PEDS1: variants seen among roughly 807,000 people sequenced by gnomAD.
The protein encoded by PEDS1 is CarF homolog.
PEDS1 carries 14 observed loss-of-function variants against 35.2 expected under a neutral mutation model. The observed-to-expected ratio is 0.40, with a 90% CI of 0.26 to 0.62. The LOEUF (loss-of-function observed/expected upper bound fraction) is 0.62. PEDS1 is among the 20% of genes least tolerant of loss of function. PEDS1 has a pLI of 0.44. For missense variants in PEDS1, 260 were observed against 367.8 expected (o/e 0.71, Z 2.40); for synonymous variants, 152 against 152.0 (o/e 1.00, Z 0.00).
At chr20:50,126,300 T>C (rs1383200893) in intron 5 of PEDS1, among the ~76,000 whole-genome samples, 1 of 152,180 alleles carries the variant, frequency 6.6e-6, no homozygotes. Context: ...ATGAGCACAC[T>C]GAGGCTTAGA....
Position 50,143,527 on chromosome 20 carries a change from G to C in PEDS1, c.216C>G (p.Asp72Glu). 6.2e-7 allele frequency: 1 copy of C among 1,611,490 alleles called. No individual in the cohort carries two copies. Among genetic ancestry groups the C allele is most frequent in the Non-Finnish European group, 8.5e-7 (1 of 1,179,208 alleles). Reference protein sequence around the residue: ...VHLLLLARWEDTPLVILGVVA... With the variant: ...VHLLLLARWEETPLVILGVVA... ...CAACACCGAGTATGACGAGGGGTGT[G>C]TCCTCCCAGCGGGCCAGCAGCAGGA... The change falls in exon 2 of 6, where the codon GAC becomes GAG. Residue 72 changes from aspartate to glutamate, a missense_variant. Physicochemically the swap from Asp to Glu is conservative, Grantham distance 45. Coordinates refer to ENST00000371652, the MANE Select transcript of PEDS1 (RefSeq NM_199129.4).
intron 5 of PEDS1, among the ~76,000 whole-genome samples, chr20:50,125,953 G>A (rs2081098831): frequency 6.6e-6 from 1 of 151,820 alleles, no homozygotes; most frequent in Non-Finnish European, 1.5e-5. Context: ...TTGAACTCCT[G>A]GGCTCAAGCA....
chr20:50,131,056 C>A, intron 2 of PEDS1, 109 bp from the exon 3 acceptor site: 1 of 1,581,938 alleles, frequency 6.3e-7, no homozygotes, highest in Non-Finnish European at 8.6e-7. Context: ...GGGAAGGTGT[C>A]CCTTCTTCTC....
At chr20:50,138,504 T>C (rs1376973464) in intron 2 of PEDS1, among the ~76,000 whole-genome samples, 2 of 152,220 alleles carry the variant, frequency 1.3e-5, no homozygotes, top group African/African-American at 4.8e-5. Flanking sequence ...CCAACGCAGC[T>C]CCTGTGAGCT....
intron 2 of PEDS1, among the ~76,000 whole-genome samples, chr20:50,137,580 C>T (rs571288921): frequency 9.2e-5 from 14 of 152,240 alleles, no homozygotes; most frequent in African/African-American, 3.4e-4. Flanking sequence ...CTCCTCAAAA[C>T]CGTCAAGGTC....
Position 50,119,337 on chromosome 20 carries a change from G to A in PEDS1, c.*5721C>T, listed in dbSNP as rs1052616099. The A allele has an allele frequency of 1.3e-5, 2 of 151,600 alleles. No homozygotes were observed. Among genetic ancestry groups the A allele is most frequent in the Admixed American group, 1.3e-4 (2 of 15,184 alleles). The allele number at this position is 151,600 out of a possible 1,614,324, so 9.4% of individuals were successfully genotyped here. On this transcript the variant is annotated 3_prime_UTR_variant, in exon 6 of 6. Transcript: ENST00000371652. The stretch of plus-strand genomic sequence containing the variant: ...TAGTCCCAACTACTTGGGATGGGAG[G>A]CTGAGAGAGGATAGCTTGAGCCCAG...
chr20:50,153,095 G>A (rs760745833), intron 1 of PEDS1, among the ~76,000 whole-genome samples: 7 of 151,724 alleles, frequency 4.6e-5, no homozygotes, highest in Admixed American at 3.9e-4. Context: ...CCAGGATGAG[G>A]TGTGACTTTT....
At position 50,140,388 on chromosome 20, in the gene PEDS1, G is replaced by C. The variant is rs147492918; in HGVS notation, c.241+3114C>G. Among the ~76,000 whole-genome samples, 263 of 152,334 alleles carry C rather than the reference G, an allele frequency of 1.7e-3. 1 individual carries two copies. The highest frequency in any genetic ancestry group is 5.9e-3 in the African/African-American group (247 of 41,576). Reference sequence around the variant, plus strand: ...GGGAAACTCACCAATGGCTTCTCATGACCCCATATCCAGACCAGGCCCTCA... The same window carrying C: ...GGGAAACTCACCAATGGCTTCTCATCACCCCATATCCAGACCAGGCCCTCA... On this transcript the variant is annotated intron_variant, in intron 2 of 5. Coordinates refer to ENST00000371652, the MANE Select transcript of PEDS1 (RefSeq NM_199129.4).
In PEDS1 at chr20:50,128,048, A is replaced by G; in HGVS notation, c.618T>C (p.His206=). 6.2e-7 allele frequency: 1 copy of G among 1,614,204 alleles called. No individual in the cohort carries two copies. Among genetic ancestry groups the G allele is most frequent in the African/African-American group, 1.3e-5 (1 of 75,040 alleles). Reference sequence around the variant, plus strand: ...GATGGTGTTTACGTGGCAGGATGACATGCCAGTCCTGCAGGAGGGTGACCC... The same window carrying G: ...GATGGTGTTTACGTGGCAGGATGACGTGCCAGTCCTGCAGGAGGGTGACCC... ...PRWVTLLQDW[H]VILPRKHHRI... is the part of the protein sequence containing the mutation. The change falls in exon 5 of 6, where the codon CAT becomes CAC. Residue 206 remains histidine, a synonymous_variant. Transcript: ENST00000371652. This position sits in a 1 kb window ranked among gnomAD's most constrained non-coding sequence, Gnocchi z 5.2.
At chr20:50,142,691 C>CA (rs938727901) in intron 2 of PEDS1, among the ~76,000 whole-genome samples, 7 of 100,620 alleles carry the variant, frequency 7.0e-5, no homozygotes, top group East Asian at 6.6e-4. Context: ...CGCCCCCCCC[C>CA]CCCCGCCCCA....
At chr20:50,138,474 A>G (rs232739) in intron 2 of PEDS1, among the ~76,000 whole-genome samples, 92,183 of 152,160 alleles carry the variant, frequency 0.61, 29,727 homozygotes, top group African/African-American at 0.85. Flanking sequence ...GGTGGGTCCC[A>G]CGACACAGCA....
intron 1 of PEDS1, among the ~76,000 whole-genome samples, chr20:50,145,044 A>C (rs2081331839): frequency 6.6e-6 from 1 of 151,862 alleles, no homozygotes; most frequent in Non-Finnish European, 1.5e-5. Context: ...CTCTACTAAA[A>C]ATACAAAAAT....
rs59829432 is a variant in PEDS1 at position 50,120,268 on chromosome 20, A to AAAACAAACAAACAAAC, written c.*4774_*4789dup. ...CAACAGAGCAAGACCCTGTCTCTAA[A>AAAACAAACAAACAAAC]AAACAAACAAACAAACAAACAAACA... On this transcript the variant is annotated 3_prime_UTR_variant, in exon 6 of 6. Transcript: ENST00000371652. 8.1e-3 allele frequency: 1,579 copies of AAAACAAACAAACAAAC among 194,264 alleles called. 39 individuals carry two copies. The highest frequency in any genetic ancestry group is 0.026 in the East Asian group (164 of 6,350). The allele number at this position is 194,264 out of a possible 1,614,324, so 12.0% of individuals were successfully genotyped here.
At position 50,129,443 on chromosome 20, in the gene PEDS1, A is replaced by C. The variant is rs2081149582; in HGVS notation, c.478+103T>G. The C allele has an allele frequency of 6.8e-7, 1 of 1,463,958 alleles. No homozygotes were observed. The highest frequency in any genetic ancestry group is 2.6e-5 in the Admixed American group (1 of 38,708). 90.7% of individuals were successfully genotyped at this position (1,463,958 alleles called of 1,614,324 possible). On this transcript the variant is annotated intron_variant, in intron 4 of 5. Coordinates refer to ENST00000371652, the MANE Select transcript of PEDS1 (RefSeq NM_199129.4). This position sits in a 1 kb window ranked among gnomAD's most constrained non-coding sequence, Gnocchi z 4.2. ...GAAGACAATGAATGAAAACTCTTTTAAAATACCATAAGGAGCCAAACACAT... is the reference window on the plus strand; with the variant it reads ...GAAGACAATGAATGAAAACTCTTTTCAAATACCATAAGGAGCCAAACACAT...
intron 2 of PEDS1, among the ~76,000 whole-genome samples, chr20:50,132,504 C>T (rs189757850): frequency 2.4e-4 from 37 of 152,272 alleles, no homozygotes; most frequent in Admixed American, 2.4e-3. Context: ...CAACACAGCT[C>T]ACTCCCTCAC....
Position 50,124,852 on chromosome 20 carries a change from A to C in PEDS1, c.*206T>G. 1 of 570,920 alleles carries C rather than the reference A, an allele frequency of 1.8e-6. No individual in the cohort carries two copies. The highest frequency in any genetic ancestry group is 2.9e-6 in the Non-Finnish European group (1 of 341,874). 35.4% of individuals were successfully genotyped at this position (570,920 alleles called of 1,614,324 possible). A position where few individuals can be genotyped will look rare whatever the true frequency, so the allele number is the denominator to read the frequency against. On this transcript the variant is annotated 3_prime_UTR_variant, in exon 6 of 6. Coordinates refer to ENST00000371652, the MANE Select transcript of PEDS1 (RefSeq NM_199129.4). ...GATAGAGCAACTCAGGTGGCTGAGG[A>C]GGGGCCGAGGAAAAAAAAAAAAAAG...
At chr20:50,140,502 G>A (rs943915754) in intron 2 of PEDS1, among the ~76,000 whole-genome samples, 3 of 152,224 alleles carry the variant, frequency 2.0e-5, no homozygotes, top group African/African-American at 7.2e-5. Flanking sequence ...GCTTCGCTCT[G>A]TTCCCCAAAC....
chr20:50,135,466 C>G (rs944329930), intron 2 of PEDS1, among the ~76,000 whole-genome samples: 1 of 151,972 alleles, frequency 6.6e-6, no homozygotes, highest in African/African-American at 2.4e-5. Context: ...TGAGACCAGC[C>G]TGACCAACAT....
Position 50,124,862 on chromosome 20 carries a change from G to GAAAA in PEDS1, c.*192_*195dup. 7.6e-6 allele frequency: 4 copies of GAAAA among 526,642 alleles called. No individual in the cohort carries two copies. The highest frequency in any genetic ancestry group is 2.1e-5 in the African/African-American group (1 of 47,126). 32.6% of individuals were successfully genotyped at this position (526,642 alleles called of 1,614,324 possible). On this transcript the variant is annotated 3_prime_UTR_variant, in exon 6 of 6. Coordinates refer to ENST00000371652, the MANE Select transcript of PEDS1 (RefSeq NM_199129.4). ...CTCAGGTGGCTGAGGAGGGGCCGAG[G>GAAAA]AAAAAAAAAAAAAAGAAATGAAAAA...
Sources: allele counts gnomAD v4.1 joint callset (sites outside exome capture counted in the v4.1 genomes callset), GRCh38; gene constraint gnomAD v4.1.1; non-coding constraint Gnocchi (gnomAD v3.1); transcripts MANE v1.5; gene names NCBI Gene and HGNC (gene_info 2026-07-23, HGNC 2026-07-21).